Variants in THSD4 observed in about 807,000 individuals in gnomAD.
THSD4 encodes the protein thrombospondin type-1 domain-containing protein 4.
Under a neutral mutation model 119.0 loss-of-function variants are expected in THSD4, and 69 were observed. The observed-to-expected ratio is 0.58, with a 90% CI of 0.48 to 0.71. The LOEUF is 0.71. Ranked by LOEUF, THSD4 falls within the 30% of genes least tolerant of loss-of-function variation. THSD4 has a pLI of 0.00. For synonymous variants in THSD4, 524 were observed against 540.4 expected, an observed-to-expected ratio of 0.97 and a Z score of 0.42; for missense variants, 1,393 against 1,391.1, an observed-to-expected ratio of 1.00 and a Z score of -0.02.
chr15:71,639,761 T>C (rs3454), intron 7 of THSD4, among the ~76,000 whole-genome samples: 55,463 of 151,326 alleles, frequency 0.37, 10,950 homozygotes, highest in East Asian at 0.83. Flanking sequence ...TGCCTACATA[T>C]CCCTCTTGTT....
upstream of THSD4, chr15:71,111,163 A>G: frequency 6.2e-7 from 1 of 1,611,032 alleles, no homozygotes; most frequent in Non-Finnish European, 8.5e-7. Context: ...ATCTCCTCTG[A>G]CCAGATGTGG....
At chr15:71,306,132 C>T (rs2140343268) in intron 6 of THSD4, among the ~76,000 whole-genome samples, 1 of 152,032 alleles carries the variant, frequency 6.6e-6, no homozygotes, top group African/African-American at 2.4e-5. Context: ...ATGGCGAAAC[C>T]TCTTCTCTAC....
At chr15:71,291,110 A>G (rs1050097393) in intron 6 of THSD4, among the ~76,000 whole-genome samples, 17 of 152,030 alleles carry the variant, frequency 1.1e-4, no homozygotes, top group African/African-American at 3.4e-4. Flanking sequence ...TCCTATATCA[A>G]CCACTCCCCC....
chr15:71,222,926 A>C (rs1459894861), intron 4 of THSD4, among the ~76,000 whole-genome samples: 2 of 152,224 alleles, frequency 1.3e-5, no homozygotes, highest in Non-Finnish European at 2.9e-5. Context: ...TGACCCTGCC[A>C]CTTGCTGGCT....
intron 7 of THSD4, among the ~76,000 whole-genome samples, chr15:71,598,668 G>T (rs1297621250): frequency 6.6e-6 from 1 of 152,140 alleles, no homozygotes; most frequent in Non-Finnish European, 1.5e-5. Context: ...CTGTCACCCA[G>T]TGTGTAGTGC....
intron 6 of THSD4, among the ~76,000 whole-genome samples, chr15:71,371,910 G>A (rs145297159): frequency 3.1e-4 from 47 of 152,142 alleles, no homozygotes; most frequent in Non-Finnish European, 4.7e-4. Context: ...TCACTTTCAG[G>A]TACACCAGTC....
At chr15:71,298,819 C>T (rs112022307) in intron 6 of THSD4, among the ~76,000 whole-genome samples, 1 of 152,152 alleles carries the variant, frequency 6.6e-6, no homozygotes, top group Non-Finnish European at 1.5e-5. Flanking sequence ...TACTCTGTTG[C>T]CCAGGCTGGT....
chr15:71,510,809 C>T (rs762177210), intron 7 of THSD4, among the ~76,000 whole-genome samples: 11 of 152,030 alleles, frequency 7.2e-5, no homozygotes, highest in Non-Finnish European at 1.3e-4. Flanking sequence ...TTAAAAGTCT[C>T]ATTATTTACC....
intron 8 of THSD4, among the ~76,000 whole-genome samples, chr15:71,682,945 G>A (rs1461880283): frequency 1.8e-5 from 2 of 110,758 alleles, no homozygotes; most frequent in East Asian, 2.6e-4. Context: ...TTTTTGAGTC[G>A]AGGTCTCACT....
intron 7 of THSD4, among the ~76,000 whole-genome samples, chr15:71,494,089 G>T (rs926050751): frequency 6.6e-6 from 1 of 152,122 alleles, no homozygotes; most frequent in Non-Finnish European, 1.5e-5. Flanking sequence ...AAGATTGTGA[G>T]GGCCAATTTT....
chr15:71,500,837 T>A (rs139076548), intron 7 of THSD4, among the ~76,000 whole-genome samples: 146 of 152,338 alleles, frequency 9.6e-4, no homozygotes, highest in African/African-American at 2.5e-3. Context: ...TTGGTCTCCA[T>A]GTCTGTTTTA....
intron 7 of THSD4, among the ~76,000 whole-genome samples, chr15:71,576,903 T>A (rs926476598): frequency 2.0e-5 from 3 of 152,186 alleles, no homozygotes; most frequent in African/African-American, 7.2e-5. Flanking sequence ...TGTTTCCTGG[T>A]TTCTTCCATT....
intron 7 of THSD4, among the ~76,000 whole-genome samples, chr15:71,638,224 A>G (rs2050787873): frequency 6.6e-6 from 1 of 152,230 alleles, no homozygotes. Context: ...CTTTTGTAGT[A>G]TAACATTGAG....
At position 71,159,677 on chromosome 15, in the gene THSD4, A is replaced by T. The variant is rs1039217936; in HGVS notation, c.99+4745A>T. ...GAAGAATTTGTTTATTAGTTCTAAGAGTTTTTTGGTAGAGTCTTTAGGGTT... is the reference window on the plus strand; with the variant it reads ...GAAGAATTTGTTTATTAGTTCTAAGTGTTTTTTGGTAGAGTCTTTAGGGTT... On this transcript the variant is annotated intron_variant, in intron 3 of 17. Coordinates refer to ENST00000261862, the MANE Select transcript of THSD4 (RefSeq NM_024817.3). 5.3e-5 allele frequency among the ~76,000 whole-genome samples: 8 copies of T among 152,078 alleles called. No individual in the cohort carries two copies. In the East Asian group the frequency reaches 1.5e-3, roughly 29 times the overall value.
At chr15:71,599,824 C>T (rs374589511) in intron 7 of THSD4, among the ~76,000 whole-genome samples, 52 of 152,276 alleles carry the variant, frequency 3.4e-4, no homozygotes, top group African/African-American at 1.2e-3. Flanking sequence ...CACTTTGAGC[C>T]GAAACACTGG....
chr15:71,774,524 T>G lies in THSD4; in HGVS notation c.2915-2708T>G, dbSNP rs556437293. 4.1e-4 allele frequency among the ~76,000 whole-genome samples: 63 copies of G among 152,298 alleles called. No homozygotes were observed. The South Asian group carries it at 4.6e-3, about 11-fold the overall frequency. On this transcript the variant is annotated intron_variant, in intron 17 of 17. Coordinates refer to ENST00000261862, the MANE Select transcript of THSD4 (RefSeq NM_024817.3). ...GGTGTAAACTTTTTGAAGAGAATTT[T>G]ATCAATATCTATCAAGATACAAAGA... is the stretch of plus-strand genomic sequence containing the variant.
chr15:71,627,626 G>T (rs1053845891), intron 7 of THSD4, among the ~76,000 whole-genome samples: 5 of 152,180 alleles, frequency 3.3e-5, no homozygotes, highest in African/African-American at 1.2e-4. Context: ...ATCTGAGCTG[G>T]AAATGACAGT....
chr15:71,235,583 CTTTT>C (rs1555457033), intron 4 of THSD4, among the ~76,000 whole-genome samples: 1 of 127,312 alleles, frequency 7.9e-6, no homozygotes. Flanking sequence ...CCACCTCTCT[CTTTT>C]TTTTTTTTTT....
intron 15 of THSD4, 85 bp from the exon 16 acceptor site, chr15:71,764,935 C>A: frequency 6.8e-7 from 1 of 1,462,288 alleles, no homozygotes; most frequent in Non-Finnish European, 9.2e-7. Flanking sequence ...ATTGACGGTG[C>A]CCGTCATAAG....
Sources: gnomAD v4.1 joint callset for allele counts (sites outside exome capture counted in the v4.1 genomes callset) on GRCh38, gnomAD v4.1.1 for gene constraint, MANE v1.5 for transcripts, NCBI Gene and HGNC (gene_info 2026-07-23, HGNC 2026-07-21) for gene names.